NRG1: variants seen among roughly 807,000 people sequenced by gnomAD.
NRG1 encodes the protein neuregulin 1.
In NRG1, 18 loss-of-function variants were observed where a neutral mutation model predicts 63.8. The observed-to-expected ratio is 0.28, with a 90% CI of 0.19 to 0.42. The LOEUF (loss-of-function observed/expected upper bound fraction) is 0.42. NRG1 is among the 10% of genes least tolerant of loss of function. The pLI is 1.00. For synonymous variants in NRG1, 302 were observed against 301.3 expected, an observed-to-expected ratio of 1.00 and a Z score of -0.02; for missense variants, 762 against 814.7, an observed-to-expected ratio of 0.94 and a Z score of 0.79.
intron 1 of NRG1, among the ~76,000 whole-genome samples, chr8:31,774,249 A>G (rs562413407): frequency 2.6e-5 from 4 of 151,122 alleles, no homozygotes; most frequent in African/African-American, 9.7e-5. Flanking sequence ...TTTTTGCCTG[A>G]CTCCCCTACT....
chr8:32,721,834 T>C, intron 5 of NRG1: 1 of 1,373,250 alleles, frequency 7.3e-7, no homozygotes, highest in Non-Finnish European at 9.4e-7. Context: ...GTGGCACAGC[T>C]CTTTCTGCTC....
chr8:32,682,259 G>A lies in NRG1; in HGVS notation c.503-45690G>A, dbSNP rs373439200. Among the ~76,000 whole-genome samples the A allele has an allele frequency of 5.9e-5, 9 of 152,102 alleles. No individual in the cohort carries two copies. The East Asian group carries it at 1.5e-3, about 26-fold the overall frequency. ...TTATTATGATGAATCACCCATTCATGTGCATTAAGCAGCATTGATTAATAT... is the reference window on the plus strand; with the variant it reads ...TTATTATGATGAATCACCCATTCATATGCATTAAGCAGCATTGATTAATAT... On this transcript the variant is annotated intron_variant, in intron 5 of 11. Coordinates refer to ENST00000356819, the Ensembl canonical transcript of NRG1.
chr8:32,178,990 T>C (rs376197043), intron 1 of NRG1, among the ~76,000 whole-genome samples: 6 of 152,124 alleles, frequency 3.9e-5, no homozygotes, highest in African/African-American at 1.2e-4. Context: ...CACATGCTCT[T>C]TTGACATTTT....
At chr8:31,830,852 A>G (rs1825079753) in intron 1 of NRG1, among the ~76,000 whole-genome samples, 1 of 152,090 alleles carries the variant, frequency 6.6e-6, no homozygotes, top group South Asian at 2.1e-4. Flanking sequence ...ATCCCTGTGG[A>G]TAGTGATGGG....
chr8:32,373,791 A>C (rs1033801014), intron 1 of NRG1, among the ~76,000 whole-genome samples: 1 of 152,152 alleles, frequency 6.6e-6, no homozygotes, highest in African/African-American at 2.4e-5. Context: ...AAAATTAAAT[A>C]AATCAATATA....
At chr8:32,346,627 C>T (rs1804937628) in intron 1 of NRG1, among the ~76,000 whole-genome samples, 1 of 151,906 alleles carries the variant, frequency 6.6e-6, no homozygotes, top group African/African-American at 2.4e-5. Flanking sequence ...ATATTTTCCT[C>T]ACCAAATAAG....
chr8:32,053,508 A>AG (rs1822328412), intron 1 of NRG1, among the ~76,000 whole-genome samples: 1 of 152,234 alleles, frequency 6.6e-6, no homozygotes, highest in South Asian at 2.1e-4. Context: ...AACCAGGATG[A>AG]GGGGGTCATG....
At chr8:32,328,904 A>G (rs916429528) in intron 1 of NRG1, among the ~76,000 whole-genome samples, 1 of 150,186 alleles carries the variant, frequency 6.7e-6, no homozygotes, top group African/African-American at 2.5e-5. Context: ...AGGCCAGTGC[A>G]TGACTGTGAC....
At chr8:31,782,691 T>G (rs1819803166) in intron 1 of NRG1, among the ~76,000 whole-genome samples, 2 of 152,126 alleles carry the variant, frequency 1.3e-5, no homozygotes, top group Admixed American at 6.6e-5. Flanking sequence ...AGATCAGAGG[T>G]TCTTAAACAA....
chr8:31,848,614 T>C (rs1826913425), intron 1 of NRG1, among the ~76,000 whole-genome samples: 1 of 152,178 alleles, frequency 6.6e-6, no homozygotes, highest in Non-Finnish European at 1.5e-5. Flanking sequence ...CCACTCTCCA[T>C]TACTTGCATC....
At chr8:32,756,979 T>C (rs1283335983) in intron 9 of NRG1, among the ~76,000 whole-genome samples, 1 of 152,232 alleles carries the variant, frequency 6.6e-6, no homozygotes, top group Non-Finnish European at 1.5e-5. Context: ...GATGATTTAC[T>C]GGTTATGATT....
chr8:32,240,719 T>TA (rs983371712), intron 1 of NRG1, among the ~76,000 whole-genome samples: 26 of 150,984 alleles, frequency 1.7e-4, no homozygotes, highest in Admixed American at 2.6e-4. Flanking sequence ...CAGGAAATTG[T>TA]AAAAAAAAAT....
chr8:32,394,882 T>C (rs1812246337), intron 1 of NRG1, among the ~76,000 whole-genome samples: 1 of 152,162 alleles, frequency 6.6e-6, no homozygotes, highest in Non-Finnish European at 1.5e-5. Flanking sequence ...CTGTGCTTCA[T>C]TATAGGTAAG....
At chr8:31,792,294 CTATT>C in intron 1 of NRG1, among the ~76,000 whole-genome samples, 3 of 152,246 alleles carry the variant, frequency 2.0e-5, no homozygotes, top group Admixed American at 2.0e-4. Context: ...AAATGAATGC[CTATT>C]TATTCCTGGA....
chr8:31,840,138 G>A (rs966308043), intron 1 of NRG1, among the ~76,000 whole-genome samples: 1 of 152,134 alleles, frequency 6.6e-6, no homozygotes, highest in Admixed American at 6.5e-5. Flanking sequence ...TTACGAAAAT[G>A]TATGTGGCCT....
At chr8:31,853,657 T>G (rs368722955) in intron 1 of NRG1, among the ~76,000 whole-genome samples, 20 of 151,238 alleles carry the variant, frequency 1.3e-4, no homozygotes, top group Non-Finnish European at 2.4e-4. Context: ...TGTTGAATAG[T>G]AGTGGTGAGA....
At chr8:32,141,499 T>A (rs1187817951) in intron 1 of NRG1, among the ~76,000 whole-genome samples, 2 of 149,694 alleles carry the variant, frequency 1.3e-5, no homozygotes. Flanking sequence ...AAATGTGGCA[T>A]TTGTCAGATG....
intron 1 of NRG1, among the ~76,000 whole-genome samples, chr8:32,115,123 C>T (rs1242200335): frequency 6.6e-6 from 1 of 151,808 alleles, no homozygotes; most frequent in Non-Finnish European, 1.5e-5. Context: ...CTTTGCCTCC[C>T]GGGTTAAAGA....
At chr8:32,303,562 AGC>A (rs1855868124) in intron 1 of NRG1, among the ~76,000 whole-genome samples, 2 of 152,232 alleles carry the variant, frequency 1.3e-5, no homozygotes, top group Non-Finnish European at 2.9e-5. Flanking sequence ...CAGCACCGTT[AGC>A]AAAAGAACAT....
Sources: allele counts gnomAD v4.1 joint callset (sites outside exome capture counted in the v4.1 genomes callset), GRCh38; gene constraint gnomAD v4.1.1; transcripts MANE v1.5; gene names NCBI Gene and HGNC (gene_info 2026-07-23, HGNC 2026-07-21).